The following SGCZ variants were observed in gnomAD, a reference collection of about 807,000 sequenced individuals.
The protein encoded by SGCZ is sarcoglycan zeta, also known as zeta-sarcoglycan.
Under a neutral mutation model 41.3 loss-of-function variants are expected in SGCZ, and 40 were observed. The observed-to-expected ratio is 0.97, with a 90% CI of 0.75 to 1.26. The LOEUF (loss-of-function observed/expected upper bound fraction) is 1.26, where lower values mean the gene tolerates loss of function less well. Ranked by LOEUF, SGCZ falls within the 50% of genes most tolerant of loss-of-function variation. SGCZ has a pLI of 0.00. For missense variants in SGCZ, 552 were observed against 369.8 expected, an observed-to-expected ratio of 1.49 and a Z score of -4.04; for synonymous variants, 206 against 137.5, an observed-to-expected ratio of 1.50 and a Z score of -3.49.
At chr8:14,644,080 G>C (rs1050241563) in intron 1 of SGCZ, among the ~76,000 whole-genome samples, 3 of 151,690 alleles carry the variant, frequency 2.0e-5, no homozygotes, top group Non-Finnish European at 4.4e-5. Context: ...TAAGTATTAT[G>C]ATCTAGCATA....
At chr8:14,975,452 A>G (rs1163487559) in intron 1 of SGCZ, among the ~76,000 whole-genome samples, 2 of 152,180 alleles carry the variant, frequency 1.3e-5, no homozygotes, top group East Asian at 1.9e-4. Flanking sequence ...ACAGACAACA[A>G]TCTGAAAGAT....
intron 5 of SGCZ, among the ~76,000 whole-genome samples, chr8:14,133,742 A>G (rs1385308536): frequency 6.6e-6 from 1 of 151,932 alleles, no homozygotes; most frequent in Non-Finnish European, 1.5e-5. Context: ...TACTTTTGAC[A>G]GTTTCTGCTT....
intron 2 of SGCZ, among the ~76,000 whole-genome samples, chr8:14,479,748 T>A (rs969809610): frequency 3.1e-5 from 2 of 65,238 alleles, no homozygotes; most frequent in African/African-American, 4.5e-5. Flanking sequence ...TTTTTTTTTT[T>A]TTTTTTTTTT....
intron 4 of SGCZ, among the ~76,000 whole-genome samples, chr8:14,216,655 G>A (rs557073548): frequency 1.3e-5 from 2 of 151,826 alleles, no homozygotes; most frequent in Non-Finnish European, 2.9e-5. Context: ...TCACATTAAC[G>A]GATCCAGAAA....
At chr8:14,790,969 T>G (rs1800931042) in intron 1 of SGCZ, among the ~76,000 whole-genome samples, 1 of 150,290 alleles carries the variant, frequency 6.7e-6, no homozygotes, top group Non-Finnish European at 1.5e-5. Flanking sequence ...AGGCAAAGGT[T>G]GCAGTGAGCC....
At chr8:14,728,862 A>G (rs1810143079) in intron 1 of SGCZ, among the ~76,000 whole-genome samples, 1 of 152,238 alleles carries the variant, frequency 6.6e-6, no homozygotes, top group African/African-American at 2.4e-5. Context: ...GCAACAGAGC[A>G]TGCTTCAACT....
chr8:14,813,405 G>C (rs372038465), intron 1 of SGCZ, among the ~76,000 whole-genome samples: 3 of 152,232 alleles, frequency 2.0e-5, no homozygotes, highest in Non-Finnish European at 4.4e-5. Context: ...TTATGGAAGA[G>C]AGAGTGGGCA....
chr8:14,440,780 CATACGTATACACGTATATGTATATATGT>C (rs2117367779), intron 2 of SGCZ, among the ~76,000 whole-genome samples: 2 of 146,280 alleles, frequency 1.4e-5, no homozygotes, highest in Admixed American at 6.9e-5. Flanking sequence ...TATGTATATA[CATACGTATACACGTATATGTATATATGT>C]GTATACACAT....
chr8:14,532,764 G>C (rs1482674591), intron 2 of SGCZ, among the ~76,000 whole-genome samples: 1 of 151,106 alleles, frequency 6.6e-6, no homozygotes, highest in African/African-American at 2.4e-5. Flanking sequence ...AAGTGAAAAA[G>C]AAGACTAAGC....
At chr8:14,994,477 G>A (rs755747287) in intron 1 of SGCZ, among the ~76,000 whole-genome samples, 1 of 152,110 alleles carries the variant, frequency 6.6e-6, no homozygotes, top group South Asian at 2.1e-4. Flanking sequence ...CAAGCTACTG[G>A]GGAGGCTGAG....
chr8:14,653,514 C>G (rs1037522159), intron 1 of SGCZ, among the ~76,000 whole-genome samples: 2 of 152,064 alleles, frequency 1.3e-5, no homozygotes, highest in Non-Finnish European at 2.9e-5. Flanking sequence ...CGCTGCATTA[C>G]AATTGTTTAA....
At chr8:14,561,194 C>A (rs1510429) in intron 1 of SGCZ, among the ~76,000 whole-genome samples, 1 of 151,964 alleles carries the variant, frequency 6.6e-6, no homozygotes, top group African/African-American at 2.4e-5. Context: ...ACAACTTTAG[C>A]TTTAAATGTT....
intron 2 of SGCZ, among the ~76,000 whole-genome samples, chr8:14,477,573 T>C (rs1801396884): frequency 6.6e-6 from 1 of 152,174 alleles, no homozygotes; most frequent in Non-Finnish European, 1.5e-5. Flanking sequence ...TAGTTTATCA[T>C]CTACTAAATC....
At chr8:15,052,593 T>C (rs1234237395) in intron 1 of SGCZ, among the ~76,000 whole-genome samples, 1 of 152,072 alleles carries the variant, frequency 6.6e-6, no homozygotes, top group Non-Finnish European at 1.5e-5. Context: ...TTCTGAGGCT[T>C]TCCTCGTCAT....
intron 1 of SGCZ, among the ~76,000 whole-genome samples, chr8:14,702,063 G>A (rs62495168): frequency 6.6e-6 from 1 of 151,490 alleles, no homozygotes; most frequent in African/African-American, 2.4e-5. Context: ...CTCCCATTAG[G>A]TTCTTGCCTT....
chr8:15,108,864 C>T (rs961488992), intron 1 of SGCZ, among the ~76,000 whole-genome samples: 1 of 152,056 alleles, frequency 6.6e-6, no homozygotes, highest in African/African-American at 2.4e-5. Flanking sequence ...AAAAAATAGG[C>T]CAACTGGCTG....
chr8:14,533,673 T>C (rs1172077957), intron 2 of SGCZ, among the ~76,000 whole-genome samples: 3 of 152,052 alleles, frequency 2.0e-5, no homozygotes, highest in South Asian at 4.1e-4. Context: ...TGTACTCTTT[T>C]ATCCATCAAC....
At chr8:14,843,785 T>C (rs1408529656) in intron 1 of SGCZ, among the ~76,000 whole-genome samples, 1 of 152,020 alleles carries the variant, frequency 6.6e-6, no homozygotes, top group Non-Finnish European at 1.5e-5. Context: ...CACTTTTAAC[T>C]CATTAATTGC....
At chr8:14,514,292 A>C (rs1044630701) in intron 2 of SGCZ, among the ~76,000 whole-genome samples, 2 of 152,118 alleles carry the variant, frequency 1.3e-5, no homozygotes, top group African/African-American at 2.4e-5. Flanking sequence ...TTGGTGCAGT[A>C]GAAGTGACTT....
Sources: allele counts gnomAD v4.1 joint callset (sites outside exome capture counted in the v4.1 genomes callset), GRCh38; gene constraint gnomAD v4.1.1; transcripts MANE v1.5; gene names NCBI Gene and HGNC (gene_info 2026-07-23, HGNC 2026-07-21).